GNAI1: variants seen among roughly 807,000 people sequenced by gnomAD.
The protein encoded by GNAI1 is G protein subunit alpha i1.
A neutral mutation model predicts 38.9 loss-of-function variants in GNAI1; 11 were observed. The ratio of observed to expected loss-of-function variants is 0.28; its 90% confidence interval spans 0.18 to 0.47. The LOEUF is 0.47. Ranked by LOEUF, GNAI1 falls within the 20% of genes least tolerant of loss-of-function variation. The pLI, the probability that GNAI1 is intolerant of heterozygous loss-of-function variation, is 0.99. For missense variants in GNAI1, 317 were observed against 436.9 expected (o/e 0.73, Z 2.45); for synonymous variants, 166 against 145.1 (o/e 1.14, Z -1.04).
intron 1 of GNAI1, among the ~76,000 whole-genome samples, chr7:80,183,588 A>T (rs939099706): frequency 6.6e-6 from 1 of 152,054 alleles, no homozygotes; most frequent in Non-Finnish European, 1.5e-5. Context: ...GAAATAAATG[A>T]TATAAATGTG....
intron 1 of GNAI1, among the ~76,000 whole-genome samples, chr7:80,162,613 C>T (rs1234799703): frequency 6.6e-6 from 1 of 152,210 alleles, no homozygotes; most frequent in Non-Finnish European, 1.5e-5. Context: ...GTTCTTGGAG[C>T]TTAACATTTC....
intron 1 of GNAI1, among the ~76,000 whole-genome samples, chr7:80,142,933 T>C (rs777496373): frequency 1.6e-4 from 24 of 152,318 alleles, no homozygotes; most frequent in South Asian, 4.1e-4. Flanking sequence ...GCCTTGCTGT[T>C]TCACATGTTA....
intron 1 of GNAI1, among the ~76,000 whole-genome samples, chr7:80,183,942 T>C (rs1788344969): frequency 6.6e-6 from 1 of 152,186 alleles, no homozygotes; most frequent in Non-Finnish European, 1.5e-5. Flanking sequence ...GACCCCAAAA[T>C]GCCTGTGAGT....
chr7:80,175,922 A>C (rs756779351), intron 1 of GNAI1, among the ~76,000 whole-genome samples: 1 of 152,164 alleles, frequency 6.6e-6, no homozygotes, highest in Non-Finnish European at 1.5e-5. Context: ...TAAGTGTTCA[A>C]AGGAAAGGAA....
Position 80,222,900 on chromosome 7 carries a change from C to T in GNAI1, c.*5407C>T, listed in dbSNP as rs560696675. On this transcript the variant is annotated 3_prime_UTR_variant, in exon 8 of 8. Coordinates refer to ENST00000649796, the MANE Select transcript of GNAI1 (RefSeq NM_002069.6). ...TTATTTTGAAAATGCATTTAATACA[C>T]CTAACCTACCAAATGTAGCTTAGCC... Among the ~76,000 whole-genome samples, 39 of 152,224 alleles carry T rather than the reference C, an allele frequency of 2.6e-4. No individual in the cohort carries two copies. Among genetic ancestry groups the T allele is most frequent in the South Asian group, 6.2e-4 (3 of 4,826 alleles).
chr7:80,199,433 G>A (rs776002253), intron 4 of GNAI1, 51 bp downstream of exon 4: 3 of 1,346,250 alleles, frequency 2.2e-6, no homozygotes, highest in Non-Finnish European at 3.1e-6. Flanking sequence ...TTACTTGCAA[G>A]TCAAATATAC....
At chr7:80,168,088 C>A (rs1052814956) in intron 1 of GNAI1, among the ~76,000 whole-genome samples, 2 of 152,142 alleles carry the variant, frequency 1.3e-5, no homozygotes, top group African/African-American at 2.4e-5. Flanking sequence ...CTAGCGCTAT[C>A]CTTTTTGAGA....
At chr7:80,211,940 A>AT (rs1788882623) in intron 6 of GNAI1, among the ~76,000 whole-genome samples, 1 of 151,924 alleles carries the variant, frequency 6.6e-6, no homozygotes, top group Non-Finnish European at 1.5e-5. Context: ...ATATATGAAA[A>AT]TTTTTTTCAA....
intron 3 of GNAI1, among the ~76,000 whole-genome samples, chr7:80,192,100 C>CGGG (rs1788490585): frequency 1.3e-5 from 2 of 152,158 alleles, no homozygotes; most frequent in Non-Finnish European, 2.9e-5. Flanking sequence ...TCCTTCCTTG[C>CGGG]ATATTGCAAA....
intron 1 of GNAI1, among the ~76,000 whole-genome samples, chr7:80,139,919 T>G (rs1250114169): frequency 3.7e-5 from 2 of 54,326 alleles, no homozygotes; most frequent in Non-Finnish European, 1.3e-4. Context: ...ATTTTTTTTT[T>G]TTTTTTTTTT....
rs190742158 is a variant in GNAI1 at position 80,218,728 on chromosome 7, A to G, written c.*1235A>G. 1.8e-4 allele frequency: 28 copies of G among 152,200 alleles called. No individual in the cohort carries two copies. In the East Asian group the frequency reaches 4.6e-3, roughly 25 times the overall value. The allele number at this position is 152,200 out of a possible 1,614,324, so 9.4% of individuals were successfully genotyped here. ...ATATCATTTCTTTTTCAATTATACT[A>G]TTATTTCTGAGAATGAAATGGACGA... On this transcript the variant is annotated 3_prime_UTR_variant, in exon 8 of 8. Transcript: ENST00000649796.
chr7:80,164,165 C>T (rs1787973255), intron 1 of GNAI1, among the ~76,000 whole-genome samples: 1 of 150,034 alleles, frequency 6.7e-6, no homozygotes, highest in Non-Finnish European at 1.5e-5. Context: ...CTGCCTCAGC[C>T]TCCCAAGTAG....
At chr7:80,164,486 C>G (rs1256090320) in intron 1 of GNAI1, among the ~76,000 whole-genome samples, 2 of 152,052 alleles carry the variant, frequency 1.3e-5, no homozygotes, top group Non-Finnish European at 2.9e-5. Context: ...CATAGCCTCC[C>G]TAGTAGCTGG....
chr7:80,186,931 G>A (rs1263156452), intron 1 of GNAI1: 1 of 152,186 alleles, frequency 6.6e-6, no homozygotes, highest in African/African-American at 2.4e-5. Flanking sequence ...CACTGTTGTT[G>A]ATTAATAAAT....
intron 1 of GNAI1, among the ~76,000 whole-genome samples, chr7:80,161,574 A>G (rs1787923709): frequency 1.3e-5 from 2 of 152,224 alleles, no homozygotes; most frequent in Admixed American, 6.5e-5. Flanking sequence ...ATTTCTTTAA[A>G]TGTCATATAT....
At chr7:80,173,427 A>G (rs1417841433) in intron 1 of GNAI1, among the ~76,000 whole-genome samples, 3 of 152,186 alleles carry the variant, frequency 2.0e-5, no homozygotes, top group Admixed American at 6.5e-5. Flanking sequence ...CTGAGCCCCT[A>G]TATTCTGATA....
intron 1 of GNAI1, among the ~76,000 whole-genome samples, chr7:80,168,353 T>G (rs1360734104): frequency 2.0e-5 from 3 of 152,144 alleles, no homozygotes; most frequent in African/African-American, 7.2e-5. Flanking sequence ...TCCGACAAAA[T>G]ATACATAATA....
In GNAI1 at chr7:80,194,771, AT is replaced by A. The variant is rs906595136; in HGVS notation, c.304-4447del. Among the ~76,000 whole-genome samples the A allele has an allele frequency of 1.7e-3, 254 of 151,920 alleles. 1 individual carries two copies. Among genetic ancestry groups the A allele is most frequent in the Admixed American group, 2.9e-3 (44 of 15,248 alleles). On this transcript the variant is annotated intron_variant, in intron 3 of 7. Transcript: ENST00000649796. ...ATCATGTAATAAGTTCAGATTTGGG[AT>A]TTTTTTCCCCTATGGATCTGCCTTC... is the stretch of plus-strand genomic sequence containing the variant.
chr7:80,163,144 G>T (rs1034561348), intron 1 of GNAI1, among the ~76,000 whole-genome samples: 1 of 152,096 alleles, frequency 6.6e-6, no homozygotes, highest in African/African-American at 2.4e-5. Flanking sequence ...ATATGTGTCA[G>T]TTCTCTTTTA....
Sources: gnomAD v4.1 joint callset for allele counts (sites outside exome capture counted in the v4.1 genomes callset) on GRCh38, gnomAD v4.1.1 for gene constraint, MANE v1.5 for transcripts, NCBI Gene and HGNC (gene_info 2026-07-23, HGNC 2026-07-21) for gene names.